SUPT16H: variants seen among roughly 807,000 people sequenced by gnomAD.
The protein encoded by SUPT16H is SPT16 homolog, facilitates chromatin remodeling subunit.
A neutral mutation model predicts 136.2 loss-of-function variants in SUPT16H; 24 were observed. That is an observed-to-expected ratio of 0.18 (90% CI 0.13 to 0.25). SUPT16H has a LOEUF of 0.25. SUPT16H is among the 10% of genes least tolerant of loss of function. The pLI is 1.00. For synonymous variants in SUPT16H, 415 were observed against 428.2 expected (o/e 0.97, Z 0.38); for missense variants, 623 against 1,270.2 (o/e 0.49, Z 7.74).
intron 22 of SUPT16H, among the ~76,000 whole-genome samples, chr14:21,356,653 T>C (rs1886440376): frequency 6.6e-6 from 1 of 151,960 alleles, no homozygotes; most frequent in Non-Finnish European, 1.5e-5. Flanking sequence ...TGCAGGAAGG[T>C]TGCCTGAATC....
At chr14:21,369,068 A>G in intron 6 of SUPT16H, 136 bp downstream of exon 6, 2 of 952,422 alleles carry the variant, frequency 2.1e-6, no homozygotes, top group Non-Finnish European at 3.0e-6. Flanking sequence ...GACACCCAAG[A>G]TAATGACTTG....
intron 21 of SUPT16H, among the ~76,000 whole-genome samples, chr14:21,357,573 T>G (rs1886462090): frequency 6.6e-6 from 1 of 151,714 alleles, no homozygotes; most frequent in African/African-American, 2.4e-5. Flanking sequence ...TCAAGGAGAA[T>G]AAACTCAAGG....
intron 3 of SUPT16H, 25 bp from the exon 4 acceptor site, chr14:21,370,513 GAC>G: frequency 1.9e-6 from 3 of 1,612,392 alleles, no homozygotes; most frequent in South Asian, 1.1e-5. Flanking sequence ...GGGAAGAAAA[GAC>G]ACATATGTTT....
At chr14:21,364,377 A>C (rs1886621195) in intron 10 of SUPT16H, among the ~76,000 whole-genome samples, 1 of 151,820 alleles carries the variant, frequency 6.6e-6, no homozygotes, top group African/African-American at 2.4e-5. Flanking sequence ...GGGAAGGGGG[A>C]TGGGGAGTGA....
chr14:21,352,918 G>A, intron 25 of SUPT16H, 100 bp from the exon 26 acceptor site: 1 of 1,502,302 alleles, frequency 6.7e-7, no homozygotes, highest in Non-Finnish European at 9.1e-7. Flanking sequence ...TTTGGAATCA[G>A]ACCCAAGTTT....
intron 1 of SUPT16H, among the ~76,000 whole-genome samples, chr14:21,377,940 C>G (rs780379159): frequency 1.3e-5 from 2 of 152,036 alleles, no homozygotes; most frequent in African/African-American, 4.8e-5. Flanking sequence ...TCTTTTCTTA[C>G]GAAGTTCTTA....
Position 21,361,182 on chromosome 14 carries a change from C to T in SUPT16H, c.1825G>A (p.Gly609Arg), listed in dbSNP as rs745799925. 4.3e-6 allele frequency: 7 copies of T among 1,613,882 alleles called. No individual in the cohort carries two copies. Among genetic ancestry groups the T allele is most frequent in the Admixed American group, 1.7e-5 (1 of 59,978 alleles). ...TYRASNIKAP[G>R]EQTVPALNLQ... ...TTCAAGGCTGGTACTGTCTGTTCTC[C>T]GGGTGCCTTAATATTTGATGCTCGG... The change falls in exon 16 of 26, where the codon GGA (glycine) becomes AGA (arginine). Residue 609 changes from glycine (G) to arginine (R), a missense_variant. By Grantham distance (125) the Gly-to-Arg change is moderately radical (BLOSUM62 -2). Transcript: ENST00000216297.
chr14:21,376,280 T>C (rs1886899760), intron 1 of SUPT16H, among the ~76,000 whole-genome samples: 1 of 152,212 alleles, frequency 6.6e-6, no homozygotes, highest in Non-Finnish European at 1.5e-5. Context: ...TGTAGTAAGT[T>C]TTGAAATCAA....
At chr14:21,355,513 T>TAAAAAAAAAA (rs59639210) in intron 22 of SUPT16H, among the ~76,000 whole-genome samples, 18 of 113,486 alleles carry the variant, frequency 1.6e-4, no homozygotes, top group East Asian at 2.5e-4. Flanking sequence ...ATAATAATAA[T>TAAAAAAAAAA]AAAAAAAAAA....
chr14:21,373,428 T>C lies in SUPT16H; in HGVS notation c.69A>G (p.Lys23=). Residue 23 remains lysine, a splice_region_variant and synonymous_variant, in exon 2 of 26, where the codon AAA becomes AAG. Transcript: ENST00000216297. ...RVKRLYSNWR[K]GEDEYANVDA... ...CAACGTTGGCATACTCATCTTCTCCTTTCTGAAAAGAGTGGGTAATCATCA... is the reference window on the plus strand; with the variant it reads ...CAACGTTGGCATACTCATCTTCTCCCTTCTGAAAAGAGTGGGTAATCATCA... The C allele has an allele frequency of 6.2e-7, 1 of 1,612,600 alleles. No homozygotes were observed. The highest frequency in any genetic ancestry group is 8.5e-7 in the Non-Finnish European group (1 of 1,178,576).
chr14:21,381,812 G>A (rs1029478769), intron 1 of SUPT16H, among the ~76,000 whole-genome samples: 2 of 150,494 alleles, frequency 1.3e-5, no homozygotes, highest in African/African-American at 4.9e-5. Context: ...TAGAGACGGG[G>A]GTCTCATCAT....
rs1033324433 is a variant in SUPT16H, at chr14:21,359,627, A to T, written c.2176-18T>A. The T allele has an allele frequency of 5.0e-6, 8 of 1,611,400 alleles. No individual in the cohort carries two copies. The East Asian group carries it at 1.8e-4, about 36-fold the overall frequency. ...ATGGCATTCTGTCGGCATAAAACAG[A>T]AAGAACACAGAAGTCAGAAACACAA... On this transcript the variant is annotated intron_variant, in intron 18 of 25. Transcript: ENST00000216297.
In SUPT16H at chr14:21,357,104, A is replaced by G. The variant is rs189713910; in HGVS notation, c.2660+93T>C. 8.8e-5 allele frequency: 112 copies of G among 1,274,864 alleles called. No individual in the cohort carries two copies. In the African/African-American group the frequency reaches 1.1e-3, roughly 13 times the overall value. The allele number at this position is 1,274,864 out of a possible 1,614,324, so 79.0% of individuals were successfully genotyped here. A position where few individuals can be genotyped will look rare whatever the true frequency, so the allele number is the denominator to read the frequency against. On this transcript the variant is annotated intron_variant, in intron 22 of 25. Transcript: ENST00000216297. The stretch of plus-strand genomic sequence containing the variant: ...ACCAAAAGGCAGTCTCACTTTAAGT[A>G]TATCAGTAGATTTTATGCACAACAT...
intron 9 of SUPT16H, 49 bp from the exon 10 acceptor site, chr14:21,364,988 G>A (rs2295866): frequency 0.89 from 1,427,872 of 1,607,874 alleles, 637,833 homozygotes; most frequent in Middle Eastern, 0.91. Context: ...AATGTGGAGA[G>A]GTGTGAGACA....
chr14:21,368,966 A>T (rs1316843301), intron 6 of SUPT16H, among the ~76,000 whole-genome samples: 2 of 152,184 alleles, frequency 1.3e-5, no homozygotes, highest in African/African-American at 4.8e-5. Context: ...TAAAAGGTAC[A>T]AACATAAAGT....
intron 9 of SUPT16H, 28 bp from the exon 10 acceptor site, chr14:21,364,967 G>A (rs763612262): frequency 1.9e-6 from 3 of 1,611,958 alleles, no homozygotes; most frequent in Non-Finnish European, 1.7e-6. Flanking sequence ...GGATCAGTCT[G>A]TGGCTGTGAC....
At chr14:21,379,993 G>A (rs1393244426) in intron 1 of SUPT16H, among the ~76,000 whole-genome samples, 2 of 152,182 alleles carry the variant, frequency 1.3e-5, no homozygotes, top group African/African-American at 2.4e-5. Flanking sequence ...CTGCCTGACT[G>A]AAATAACAGG....
At position 21,371,898 on chromosome 14, in the gene SUPT16H, G is replaced by C; in HGVS notation, c.306C>G (p.Ala102=). The change falls in exon 3 of 26, where the codon GCC becomes GCG. Residue 102 remains alanine, a synonymous_variant. Transcript: ENST00000216297. Reference sequence around the variant, plus strand: ...CCTTTTCTCGTATTAGCAGTGTGATGGCAGGGGCTCCATTAGCATTCTCAT... The same window carrying C: ...CCTTTTCTCGTATTAGCAGTGTGATCGCAGGGGCTCCATTAGCATTCTCAT... ...KGNENANGAP[A]ITLLIREKNE... 2 of 1,614,026 alleles carry C rather than the reference G, an allele frequency of 1.2e-6. No homozygotes were observed. The highest frequency in any genetic ancestry group is 8.5e-7 in the Non-Finnish European group (1 of 1,179,996).
chr14:21,369,909 T>A lies in SUPT16H; in HGVS notation c.484-13A>T. 6.2e-7 allele frequency: 1 copy of A among 1,611,838 alleles called. No individual in the cohort carries two copies. Among genetic ancestry groups the A allele is most frequent in the Non-Finnish European group, 8.5e-7 (1 of 1,178,454 alleles). ...CACTGATATCTATCTGCAGTCAAAG[T>A]GACAAGAGTTTCTAACATGCAAGTA... On this transcript the variant is annotated splice_polypyrimidine_tract_variant and intron_variant, in intron 4 of 25. Transcript: ENST00000216297.
Sources: allele counts gnomAD v4.1 joint callset (sites outside exome capture counted in the v4.1 genomes callset), GRCh38; gene constraint gnomAD v4.1.1; transcripts MANE v1.5; gene names NCBI Gene and HGNC (gene_info 2026-07-23, HGNC 2026-07-21).